The following SCN8A variants were observed in gnomAD, a reference collection of about 807,000 sequenced individuals.
SCN8A encodes the protein sodium channel protein type 8 subunit alpha.
A neutral mutation model predicts 184.1 loss-of-function variants in SCN8A; 30 were observed. The observed-to-expected ratio is 0.16, with a 90% CI of 0.12 to 0.22. The LOEUF (loss-of-function observed/expected upper bound fraction) is 0.22, where lower values mean the gene tolerates loss of function less well. Ranked by LOEUF, SCN8A falls within the 10% of genes least tolerant of loss-of-function variation. SCN8A has a pLI of 1.00. For synonymous variants in SCN8A, 852 were observed against 907.0 expected, an observed-to-expected ratio of 0.94 and a Z score of 1.09; for missense variants, 1,057 against 2,498.9, an observed-to-expected ratio of 0.42 and a Z score of 12.30.
chr12:51,690,203 G>C (rs922512853), intron 6 of SCN8A, among the ~76,000 whole-genome samples: 1 of 152,134 alleles, frequency 6.6e-6, no homozygotes, highest in Non-Finnish European at 1.5e-5. Flanking sequence ...TGTGGTCATG[G>C]GTTTTCAAGG....
intron 11 of SCN8A, among the ~76,000 whole-genome samples, chr12:51,717,140 A>G (rs1056030736): frequency 6.6e-6 from 1 of 152,176 alleles, no homozygotes; most frequent in African/African-American, 2.4e-5. Flanking sequence ...CCTCCATGGC[A>G]TGGCAAGCCC....
chr12:51,775,485 G>C (rs1937661726), intron 20 of SCN8A, among the ~76,000 whole-genome samples: 1 of 152,130 alleles, frequency 6.6e-6, no homozygotes, highest in African/African-American at 2.4e-5. Flanking sequence ...ATTTCAAAAA[G>C]CCAGCCTTTG....
intron 13 of SCN8A, among the ~76,000 whole-genome samples, chr12:51,748,486 C>A (rs926081339): frequency 6.6e-6 from 1 of 151,970 alleles, no homozygotes; most frequent in Non-Finnish European, 1.5e-5. Flanking sequence ...GAGGACTGGG[C>A]GTGGGGTGTA....
At chr12:51,762,804 T>C in intron 15 of SCN8A, 128 bp downstream of exon 15, 1 of 850,474 alleles carries the variant, frequency 1.2e-6, no homozygotes, top group Non-Finnish European at 1.7e-6. Context: ...TCCAGTTATT[T>C]GGCTTAGCTA....
intron 21 of SCN8A, among the ~76,000 whole-genome samples, chr12:51,784,447 C>T (rs760657522): frequency 7.9e-5 from 12 of 152,014 alleles, no homozygotes; most frequent in Non-Finnish European, 1.2e-4. Context: ...CCCAGTTACT[C>T]GGGAGGCTGA....
Position 51,807,206 on chromosome 12 carries a change from G to A in SCN8A, c.5720G>A (p.Arg1907Gln), listed in dbSNP as rs1442612004. ...VSAVVLQRAY[R>Q]GHLARRGFIC... ...GCAGTGGTCCTGCAGCGTGCCTACC[G>A]GGGACATTTGGCAAGGCGGGGCTTC... is the stretch of plus-strand genomic sequence containing the variant. Residue 1907 changes from arginine to glutamine, a missense_variant, in exon 27 of 27, where the codon CGG (arginine) becomes CAG (glutamine). By Grantham distance (43) the Arg-to-Gln change is conservative. This residue lies in a region of SCN8A where 95 missense variants were observed against 140.2 expected (regional missense o/e 0.68). Transcript: ENST00000627620. The surrounding 1 kb of genome is among the most constrained non-coding windows in gnomAD (Gnocchi z 4.5). 6.8e-6 allele frequency: 11 copies of A among 1,613,964 alleles called. No individual in the cohort carries two copies. Among genetic ancestry groups the A allele is most frequent in the East Asian group, 2.2e-5 (1 of 44,870 alleles).
At chr12:51,798,905 G>A (rs773236506) in intron 26 of SCN8A, among the ~76,000 whole-genome samples, 1 of 152,214 alleles carries the variant, frequency 6.6e-6, no homozygotes, top group Admixed American at 6.5e-5. Context: ...TACAGCCCAT[G>A]AATCAGTATA....
At chr12:51,619,401 A>G (rs1174202948) in intron 1 of SCN8A, among the ~76,000 whole-genome samples, 1 of 152,192 alleles carries the variant, frequency 6.6e-6, no homozygotes, top group Non-Finnish European at 1.5e-5. Context: ...CATATTTTGC[A>G]TATGTGAGGC....
At chr12:51,701,958 G>A (rs1941697241) in intron 8 of SCN8A, among the ~76,000 whole-genome samples, 1 of 152,148 alleles carries the variant, frequency 6.6e-6, no homozygotes, top group African/African-American at 2.4e-5. Flanking sequence ...AGGAGAAATG[G>A]TGTAACTGAG....
intron 18 of SCN8A, 93 bp downstream of exon 18, chr12:51,770,078 A>G (rs1942901663): frequency 2.4e-6 from 2 of 818,030 alleles, no homozygotes. Context: ...GGGGCAGCTC[A>G]GTGGCTATCT....
chr12:51,674,908 A>G (rs1941196640), intron 2 of SCN8A, among the ~76,000 whole-genome samples: 2 of 152,158 alleles, frequency 1.3e-5, no homozygotes, highest in South Asian at 2.1e-4. Context: ...ATGACAGCTA[A>G]TGAGTGACAG....
intron 2 of SCN8A, among the ~76,000 whole-genome samples, chr12:51,683,490 T>G (rs977039807): frequency 6.6e-6 from 1 of 152,212 alleles, no homozygotes; most frequent in Non-Finnish European, 1.5e-5. Flanking sequence ...TAAGTAAATA[T>G]TGATTGAATG....
chr12:51,679,964 TC>T (rs760019316), intron 2 of SCN8A, among the ~76,000 whole-genome samples: 8 of 152,126 alleles, frequency 5.3e-5, no homozygotes, highest in Non-Finnish European at 1.2e-4. Context: ...GACCTCGTGA[TC>T]CACTCACCTC....
At chr12:51,676,507 T>G (rs183311781) in intron 2 of SCN8A, among the ~76,000 whole-genome samples, 138 of 152,334 alleles carry the variant, frequency 9.1e-4, no homozygotes, top group African/African-American at 3.2e-3. Flanking sequence ...ATTGGCTGTA[T>G]GCATACTCAG....
chr12:51,665,895 C>G (rs1199080711), intron 2 of SCN8A, among the ~76,000 whole-genome samples: 1 of 152,056 alleles, frequency 6.6e-6, no homozygotes, highest in African/African-American at 2.4e-5. Context: ...AACCCCATCT[C>G]TATTAAAAAT....
chr12:51,791,888 A>C (rs1443258112), intron 25 of SCN8A, among the ~76,000 whole-genome samples: 2 of 152,152 alleles, frequency 1.3e-5, no homozygotes, highest in Non-Finnish European at 2.9e-5. Flanking sequence ...AAAAAATACA[A>C]AATAAAATAA....
chr12:51,661,599 G>A (rs1424175539), intron 1 of SCN8A, among the ~76,000 whole-genome samples: 4 of 152,102 alleles, frequency 2.6e-5, no homozygotes, highest in Admixed American at 2.0e-4. Flanking sequence ...CTAAGCAAAA[G>A]GGGAAAGAAC....
chr12:51,610,722 C>A (rs1354457697), intron 1 of SCN8A, among the ~76,000 whole-genome samples: 1 of 152,138 alleles, frequency 6.6e-6, no homozygotes, highest in East Asian at 1.9e-4. Context: ...AAGATAGGGT[C>A]CCAATCCCTT....
intron 12 of SCN8A, among the ~76,000 whole-genome samples, chr12:51,741,831 A>G (rs1231888270): frequency 2.0e-5 from 3 of 151,960 alleles, no homozygotes; most frequent in South Asian, 2.1e-4. Flanking sequence ...CAGCCCCCCA[A>G]GTAGCTGGGA....
Sources: gnomAD v4.1 joint callset for allele counts (sites outside exome capture counted in the v4.1 genomes callset) on GRCh38, gnomAD v4.1.1 for gene constraint, gnomAD v4.1.1 regional missense constraint, Gnocchi (gnomAD v3.1) non-coding constraint, MANE v1.5 for transcripts, NCBI Gene and HGNC (gene_info 2026-07-23, HGNC 2026-07-21) for gene names.